DNAJB6: variants seen among roughly 807,000 people sequenced by gnomAD.
DNAJB6 encodes DnaJ heat shock protein family (Hsp40) member B6.
In DNAJB6, 16 loss-of-function variants were observed where a neutral mutation model predicts 42.7. The observed-to-expected ratio is 0.37, with a 90% CI of 0.25 to 0.57. The LOEUF (loss-of-function observed/expected upper bound fraction) is 0.57, where lower values mean the gene tolerates loss of function less well. Among genes scored for constraint, DNAJB6 ranks in the 20% least tolerant of loss-of-function variants. The probability of loss-of-function intolerance (pLI) is 0.74; values close to 1 mark genes in which losing one functional copy is unlikely to be tolerated. For synonymous variants in DNAJB6, 170 were observed against 163.5 expected, an observed-to-expected ratio of 1.04 and a Z score of -0.30; for missense variants, 347 against 416.8, an observed-to-expected ratio of 0.83 and a Z score of 1.46.
chr7:157,392,871 G>A (rs1334076897), intron 8 of DNAJB6, among the ~76,000 whole-genome samples: 2 of 152,170 alleles, frequency 1.3e-5, no homozygotes, highest in Admixed American at 6.5e-5. Context: ...TGGGAATGCC[G>A]TCTGTGTGTG....
intron 1 of DNAJB6, among the ~76,000 whole-genome samples, chr7:157,351,771 C>G (rs1269186986): frequency 6.6e-6 from 1 of 152,080 alleles, no homozygotes; most frequent in Non-Finnish European, 1.5e-5. Context: ...TGAAACCAGC[C>G]TGGCCAACAT....
At chr7:157,350,752 C>A (rs183349203) in intron 1 of DNAJB6, among the ~76,000 whole-genome samples, 41 of 150,958 alleles carry the variant, frequency 2.7e-4, no homozygotes, top group African/African-American at 9.5e-4. Context: ...TGCAGTGGTG[C>A]GATCTTGGCT....
rs114010352 is a variant in DNAJB6 at position 157,358,493 on chromosome 7, G to A, written c.-26-54G>A. 124 of 1,191,244 alleles carry A rather than the reference G, an allele frequency of 1.0e-4. No individual in the cohort carries two copies. In the African/African-American group the frequency reaches 1.2e-3, roughly 11 times the overall value. The allele number at this position is 1,191,244 out of a possible 1,614,324, so 73.8% of individuals were successfully genotyped here. The stretch of plus-strand genomic sequence containing the variant: ...CCCTCTCCAGACCCATCCCACCACC[G>A]TGATTTGCCCATCCCCAGCAGCCTC... On this transcript the variant is annotated intron_variant, in intron 1 of 9. Transcript: ENST00000262177.
intron 1 of DNAJB6, among the ~76,000 whole-genome samples, chr7:157,340,993 T>TGC (rs1392028478): frequency 0.012 from 1,022 of 83,732 alleles, 3 homozygotes; most frequent in African/African-American, 0.037. Context: ...TGTGTGTGTG[T>TGC]GTGTGCGCGC....
intron 5 of DNAJB6, among the ~76,000 whole-genome samples, chr7:157,375,935 T>C (rs2117045506): frequency 6.6e-6 from 1 of 152,336 alleles, no homozygotes; most frequent in Admixed American, 6.5e-5. Context: ...TTTGTTTTGC[T>C]GTCATTTTTT....
At chr7:157,410,117 G>A in intron 9 of DNAJB6, 116 bp downstream of exon 9, 1 of 1,417,656 alleles carries the variant, frequency 7.1e-7, no homozygotes, top group Non-Finnish European at 9.2e-7. Context: ...GAGCGGGCGT[G>A]GGCGGTCGGG....
At chr7:157,338,586 G>C (rs1444341868) in intron 1 of DNAJB6, among the ~76,000 whole-genome samples, 1 of 152,112 alleles carries the variant, frequency 6.6e-6, no homozygotes, top group African/African-American at 2.4e-5. Flanking sequence ...CGCCTGCCTC[G>C]GCCTCCCAAA....
intron 8 of DNAJB6, among the ~76,000 whole-genome samples, chr7:157,406,185 C>T (rs1795760904): frequency 6.6e-6 from 1 of 152,226 alleles, no homozygotes; most frequent in Admixed American, 6.5e-5. Flanking sequence ...CGGCCGCTCC[C>T]TGTCCATGCC....
In DNAJB6 at chr7:157,357,148, C is replaced by A. The variant is rs903590509; in HGVS notation, c.-26-1399C>A. On this transcript the variant is annotated intron_variant, in intron 1 of 9. Coordinates refer to ENST00000262177, the MANE Select transcript of DNAJB6 (RefSeq NM_058246.4). ...ACCCTGTCTCAATTAAAAAAAAAAA[C>A]AAAAAACAAAAACCAAGAGTTGAAG... Among the ~76,000 whole-genome samples, 131 of 149,408 alleles carry A rather than the reference C, an allele frequency of 8.8e-4. 2 individuals carry two copies. Among genetic ancestry groups the A allele is most frequent in the African/African-American group, 3.1e-3 (124 of 40,478 alleles).
chr7:157,388,560 C>T (rs2117108484), intron 8 of DNAJB6, among the ~76,000 whole-genome samples: 1 of 151,042 alleles, frequency 6.6e-6, no homozygotes, highest in East Asian at 2.0e-4. Flanking sequence ...TTGGTTTGTG[C>T]TCAACTTCCC....
At chr7:157,372,083 T>C (rs1366953397) in intron 5 of DNAJB6, 1 of 152,522 alleles carries the variant, frequency 6.6e-6, no homozygotes, top group Non-Finnish European at 1.5e-5. Flanking sequence ...GCATTGAGGA[T>C]AGTAACCTGA....
At chr7:157,370,191 C>CTTAACATTATTATTAAACAGGCCCCTTT (rs1182322999) in intron 5 of DNAJB6, among the ~76,000 whole-genome samples, 2 of 150,630 alleles carry the variant, frequency 1.3e-5, no homozygotes, top group Non-Finnish European at 2.9e-5. Context: ...CAGGCCCCTT[C>CTTAACATTATTATTAAACAGGCCCCTTT]TTAACATTAT....
At chr7:157,353,985 C>G (rs1046945129) in intron 1 of DNAJB6, among the ~76,000 whole-genome samples, 2 of 151,812 alleles carry the variant, frequency 1.3e-5, no homozygotes, top group African/African-American at 2.4e-5. Flanking sequence ...TTTTGGATAG[C>G]TTTTTAAATT....
At chr7:157,379,903 C>T (rs9297108) in intron 5 of DNAJB6, 82,478 of 149,808 alleles carry the variant, frequency 0.55, 23,046 homozygotes, top group East Asian at 0.76. Context: ...CCTCCACCTC[C>T]GGGGTTCAAG....
chr7:157,389,452 A>C (rs2117112915), intron 8 of DNAJB6, among the ~76,000 whole-genome samples: 1 of 152,298 alleles, frequency 6.6e-6, no homozygotes, highest in Middle Eastern at 3.4e-3. Flanking sequence ...TGTTTAGTTG[A>C]TTTGAATACT....
chr7:157,410,164 C>T (rs1215959278), intron 9 of DNAJB6, 163 bp downstream of exon 9: 4 of 1,396,860 alleles, frequency 2.9e-6, no homozygotes, highest in African/African-American at 3.0e-5. Flanking sequence ...TGCTCCTCTC[C>T]CGCTCGCGGC....
intron 8 of DNAJB6, among the ~76,000 whole-genome samples, chr7:157,400,442 T>A (rs1417176613): frequency 6.9e-6 from 1 of 144,670 alleles, no homozygotes; most frequent in African/African-American, 2.6e-5. Flanking sequence ...ACCGAGCTCT[T>A]CTCCTTGGTG....
At chr7:157,390,283 G>T (rs1343556953) in intron 8 of DNAJB6, among the ~76,000 whole-genome samples, 1 of 152,232 alleles carries the variant, frequency 6.6e-6, no homozygotes. Context: ...AAGGACCTGC[G>T]TCTTGGCTTT....
intron 1 of DNAJB6, among the ~76,000 whole-genome samples, chr7:157,358,081 ATTG>A (rs1799398445): frequency 6.6e-6 from 1 of 152,118 alleles, no homozygotes; most frequent in South Asian, 2.1e-4. Context: ...ATGGCTTTCT[ATTG>A]TTCCCATGTG....
Sources: gnomAD v4.1 joint callset for allele counts (sites outside exome capture counted in the v4.1 genomes callset) on GRCh38, gnomAD v4.1.1 for gene constraint, MANE v1.5 for transcripts, NCBI Gene and HGNC (gene_info 2026-07-23, HGNC 2026-07-21) for gene names.